The following ROR1 variants were observed in gnomAD, a reference collection of about 807,000 sequenced individuals.
ROR1 encodes inactive tyrosine-protein kinase transmembrane receptor ROR1.
Under a neutral mutation model 78.8 loss-of-function variants are expected in ROR1, and 19 were observed. The observed-to-expected ratio is 0.24, with a 90% CI of 0.17 to 0.35. The LOEUF (loss-of-function observed/expected upper bound fraction) is 0.35, where lower values mean the gene tolerates loss of function less well. ROR1 is among the 10% of genes least tolerant of loss of function. The pLI, the probability that ROR1 is intolerant of heterozygous loss-of-function variation, is 1.00. For synonymous variants in ROR1, 386 were observed against 433.6 expected (o/e 0.89, Z 1.36); for missense variants, 917 against 1,177.8 (o/e 0.78, Z 3.24).
intron 1 of ROR1, among the ~76,000 whole-genome samples, chr1:63,854,303 G>A (rs1389311307): frequency 1.3e-5 from 2 of 152,148 alleles, no homozygotes; most frequent in African/African-American, 4.8e-5. Context: ...CTTACGTGTG[G>A]CTGATTGCTT....
chr1:63,956,296 C>A (rs947676206), intron 1 of ROR1, among the ~76,000 whole-genome samples: 21 of 152,146 alleles, frequency 1.4e-4, no homozygotes, highest in African/African-American at 5.1e-4. Flanking sequence ...TCAGTCCCAG[C>A]AGAGCTCATT....
At chr1:63,883,234 A>G (rs904833306) in intron 1 of ROR1, among the ~76,000 whole-genome samples, 5 of 152,290 alleles carry the variant, frequency 3.3e-5, no homozygotes, top group East Asian at 1.9e-4. Flanking sequence ...TCTAGAGGAA[A>G]AAAAATATCC....
chr1:63,836,056 G>A (rs1645017209), intron 1 of ROR1, among the ~76,000 whole-genome samples: 1 of 152,172 alleles, frequency 6.6e-6, no homozygotes, highest in Non-Finnish European at 1.5e-5. Flanking sequence ...GCCCCAAGAG[G>A]TAGATTTTCA....
intron 1 of ROR1, among the ~76,000 whole-genome samples, chr1:63,828,219 T>G (rs970673389): frequency 6.6e-6 from 1 of 152,150 alleles, no homozygotes; most frequent in East Asian, 1.9e-4. Flanking sequence ...TAGTAGCGGT[T>G]TTTCTAAAGT....
chr1:64,062,643 G>C (rs1327286137), intron 4 of ROR1, among the ~76,000 whole-genome samples: 1 of 152,098 alleles, frequency 6.6e-6, no homozygotes, highest in Non-Finnish European at 1.5e-5. Flanking sequence ...TGACCTTTTT[G>C]CCTGACTGGT....
intron 1 of ROR1, among the ~76,000 whole-genome samples, chr1:63,797,514 T>G (rs551665980): frequency 1.1e-4 from 16 of 152,324 alleles, no homozygotes; most frequent in Non-Finnish European, 1.8e-4. Context: ...AAACTCCATT[T>G]ACAGGTGAAC....
chr1:64,155,100 A>G (rs961482148), intron 7 of ROR1, among the ~76,000 whole-genome samples: 12 of 152,130 alleles, frequency 7.9e-5, no homozygotes, highest in Non-Finnish European at 1.5e-4. Flanking sequence ...TCCAACCCAG[A>G]CTTTGCTACT....
chr1:64,173,796 T>C (rs72686936), intron 8 of ROR1, among the ~76,000 whole-genome samples: 16,176 of 152,198 alleles, frequency 0.11, 1,061 homozygotes, highest in Middle Eastern at 0.17. Context: ...CACCTCTTCC[T>C]CTTTTCCCAC....
At chr1:63,998,612 A>G (rs1221341179) in intron 1 of ROR1, among the ~76,000 whole-genome samples, 1 of 152,168 alleles carries the variant, frequency 6.6e-6, no homozygotes, top group Non-Finnish European at 1.5e-5. Context: ...TATCTTTTTC[A>G]GGGGCTAAGT....
At position 64,159,169 on chromosome 1, in the gene ROR1, A is replaced by G. The variant is rs1041441197; in HGVS notation, c.1363A>G (p.Met455Val). The G allele has an allele frequency of 1.9e-6, 3 of 1,613,828 alleles. No individual in the cohort carries two copies. In the African/African-American group the frequency reaches 4.0e-5, roughly 22 times the overall value. Residue 455 changes from methionine to valine, a missense_variant, in exon 8 of 9, where the codon ATG becomes GTG. This residue lies in a region of ROR1 where 835 missense variants were observed against 1,069.8 expected (regional missense o/e 0.78). Transcript: ENST00000371079. ...HVRGQNVEMS[M>V]LNAYKPKSKA... ...CAGAGGTCAAAATGTAGAGATGTCA[A>G]TGCTGAATGCATATAAACCCAAGGT...
At chr1:64,092,161 T>C (rs1240329228) in intron 4 of ROR1, among the ~76,000 whole-genome samples, 1 of 129,170 alleles carries the variant, frequency 7.7e-6, no homozygotes, top group Admixed American at 9.0e-5. Flanking sequence ...TCCTCCCTTC[T>C]TCCATTCCTT....
At position 63,774,459 on chromosome 1, in the gene ROR1, G is replaced by GGCGCTGCTGGCC. The variant is rs1182541863; in HGVS notation, c.52_63dup (p.Ala18_Leu21dup). The GGCGCTGCTGGCC allele has an allele frequency of 2.7e-4, 321 of 1,171,218 alleles. No individual in the cohort carries two copies. Among genetic ancestry groups the GGCGCTGCTGGCC allele is most frequent in the Non-Finnish European group, 3.3e-4 (312 of 954,146 alleles). The allele number at this position is 1,171,218 out of a possible 1,614,324, so 72.6% of individuals were successfully genotyped here. A position where few individuals can be genotyped will look rare whatever the true frequency, so the allele number is the denominator to read the frequency against. Reference sequence around the variant, plus strand: ...GCCGCGGGACGCGCCCGCCGCTCCTGGCGCTGCTGGCCGCGCTGCTGCTGG... The same window carrying GGCGCTGCTGGCC: ...GCCGCGGGACGCGCCCGCCGCTCCTGGCGCTGCTGGCCGCGCTGCTGGCCGCGCTGCTGCTGG... On this transcript the variant is annotated inframe_insertion, in exon 1 of 9. Coordinates refer to ENST00000371079, the MANE Select transcript of ROR1 (RefSeq NM_005012.4). This position sits in a 1 kb window ranked among gnomAD's most constrained non-coding sequence, Gnocchi z 5.7.
At chr1:64,043,503 G>A (rs1646760730) in intron 2 of ROR1, among the ~76,000 whole-genome samples, 1 of 152,174 alleles carries the variant, frequency 6.6e-6, no homozygotes. Context: ...GACCATGCCT[G>A]CACTGTATTT....
At chr1:63,827,505 A>T (rs536035558) in intron 1 of ROR1, among the ~76,000 whole-genome samples, 31 of 152,244 alleles carry the variant, frequency 2.0e-4, no homozygotes, top group African/African-American at 7.2e-4. Flanking sequence ...CTCAGGGGAG[A>T]TGGCAATGCT....
intron 1 of ROR1, among the ~76,000 whole-genome samples, chr1:63,993,511 ATG>A (rs1646312954): frequency 6.6e-6 from 1 of 152,244 alleles, no homozygotes; most frequent in African/African-American, 2.4e-5. Context: ...ATATTTATAC[ATG>A]TAAGAGTATG....
At chr1:63,970,014 C>A (rs1244557326) in intron 1 of ROR1, among the ~76,000 whole-genome samples, 1 of 152,076 alleles carries the variant, frequency 6.6e-6, no homozygotes, top group African/African-American at 2.4e-5. Flanking sequence ...CTCATTTTAC[C>A]TTATGACCTT....
At chr1:64,156,578 G>A (rs1275835890) in intron 7 of ROR1, among the ~76,000 whole-genome samples, 2 of 151,976 alleles carry the variant, frequency 1.3e-5, no homozygotes, top group South Asian at 4.1e-4. Context: ...GTGGTGGCAC[G>A]TGCCTGTAGT....
intron 3 of ROR1, 114 bp from the exon 4 acceptor site, chr1:64,050,572 A>C: frequency 1.0e-6 from 1 of 1,003,004 alleles, no homozygotes. Context: ...CAGAAAAATA[A>C]ATACTACCTC....
chr1:63,910,311 C>T (rs1035418532), intron 1 of ROR1, among the ~76,000 whole-genome samples: 1 of 152,066 alleles, frequency 6.6e-6, no homozygotes, highest in Non-Finnish European at 1.5e-5. Flanking sequence ...AAATTACTGA[C>T]CAAGACAATG....
Sources: gnomAD v4.1 joint callset for allele counts (sites outside exome capture counted in the v4.1 genomes callset) on GRCh38, gnomAD v4.1.1 for gene constraint, gnomAD v4.1.1 regional missense constraint, Gnocchi (gnomAD v3.1) non-coding constraint, MANE v1.5 for transcripts, NCBI Gene and HGNC (gene_info 2026-07-23, HGNC 2026-07-21) for gene names.